The following MAGI2 variants were observed in gnomAD, a reference collection of about 807,000 sequenced individuals.
The protein encoded by MAGI2 is membrane associated guanylate kinase, WW and PDZ domain containing 2.
Under a neutral mutation model 133.3 loss-of-function variants are expected in MAGI2, and 35 were observed. That is an observed-to-expected ratio of 0.26 (90% CI 0.20 to 0.35). The LOEUF is 0.35. MAGI2 is among the 10% of genes least tolerant of loss of function. MAGI2 has a pLI of 1.00. For missense variants in MAGI2, 1,636 were observed against 1,863.4 expected, an observed-to-expected ratio of 0.88 and a Z score of 2.25; for synonymous variants, 729 against 710.6, an observed-to-expected ratio of 1.03 and a Z score of -0.41.
At chr7:78,544,665 T>G (rs977320847) in intron 3 of MAGI2, among the ~76,000 whole-genome samples, 8 of 152,164 alleles carry the variant, frequency 5.3e-5, no homozygotes, top group Admixed American at 5.2e-4. Flanking sequence ...CTGAAGTATA[T>G]GCCAGACATT....
rs565569427 is a variant in MAGI2 at position 78,507,972 on chromosome 7, G to A, written c.755-6185C>T. Among the ~76,000 whole-genome samples, 28 of 152,280 alleles carry A rather than the reference G, an allele frequency of 1.8e-4. No individual in the cohort carries two copies. The South Asian group carries it at 5.2e-3, about 28-fold the overall frequency. ...GGAGGTTAAAGTCCTATATCAAGGCGTTGGCAGGGCCAGCTCCCTCTGGAG... is the reference window on the plus strand; with the variant it reads ...GGAGGTTAAAGTCCTATATCAAGGCATTGGCAGGGCCAGCTCCCTCTGGAG... On this transcript the variant is annotated intron_variant, in intron 4 of 21. Coordinates refer to ENST00000354212, the MANE Select transcript of MAGI2 (RefSeq NM_012301.4).
At chr7:78,720,233 T>C (rs975925314) in intron 2 of MAGI2, among the ~76,000 whole-genome samples, 1 of 152,132 alleles carries the variant, frequency 6.6e-6, no homozygotes, top group East Asian at 1.9e-4. Context: ...ATCTGATAAG[T>C]ATGACTTTGT....
chr7:78,465,570 C>T lies in MAGI2; in HGVS notation c.1045+24191G>A, dbSNP rs141000122. Among the ~76,000 whole-genome samples the T allele has an allele frequency of 9.3e-3, 1,420 of 152,172 alleles. 14 individuals are homozygous for T. The highest frequency in any genetic ancestry group is 0.014 in the Non-Finnish European group (977 of 68,002). ...ATGTAGATTATCACAGAAAGATATACCTTTAAGTTATTTTGCCCAAAACTA... is the reference window on the plus strand; with the variant it reads ...ATGTAGATTATCACAGAAAGATATATCTTTAAGTTATTTTGCCCAAAACTA... On this transcript the variant is annotated intron_variant, in intron 6 of 21. Transcript: ENST00000354212.
chr7:78,380,680 C>T (rs1262076741), intron 6 of MAGI2, among the ~76,000 whole-genome samples: 1 of 151,970 alleles, frequency 6.6e-6, no homozygotes. Flanking sequence ...TGTTTGATTG[C>T]ACAACAGGGA....
At chr7:78,224,119 A>G (rs1789112741) in intron 10 of MAGI2, among the ~76,000 whole-genome samples, 2 of 152,178 alleles carry the variant, frequency 1.3e-5, no homozygotes, top group Admixed American at 1.3e-4. Context: ...TGTGAAATAG[A>G]ATGGTTTGTT....
At chr7:78,974,909 T>C (rs1804108252) in intron 2 of MAGI2, among the ~76,000 whole-genome samples, 1 of 151,718 alleles carries the variant, frequency 6.6e-6, no homozygotes, top group African/African-American at 2.4e-5. Context: ...CAAAGTTGAC[T>C]TCAAAACAAG....
chr7:78,128,813 A>T (rs1230203377), intron 18 of MAGI2, among the ~76,000 whole-genome samples: 4 of 152,190 alleles, frequency 2.6e-5, no homozygotes, highest in African/African-American at 9.7e-5. Context: ...GAGGAGAGGC[A>T]TTCCTTTTAT....
At chr7:78,047,835 A>G (rs879653663) in intron 21 of MAGI2, among the ~76,000 whole-genome samples, 2 of 152,094 alleles carry the variant, frequency 1.3e-5, no homozygotes, top group African/African-American at 2.4e-5. Context: ...CTTCAGCCCC[A>G]AGCCCTTGCT....
intron 1 of MAGI2, among the ~76,000 whole-genome samples, chr7:79,244,719 T>A (rs868448619): frequency 6.6e-5 from 10 of 152,134 alleles, no homozygotes; most frequent in African/African-American, 2.2e-4. Flanking sequence ...TGGTGATGTG[T>A]TGGGCTTGGA....
At chr7:78,764,701 T>G (rs1323756173) in intron 2 of MAGI2, among the ~76,000 whole-genome samples, 3 of 152,240 alleles carry the variant, frequency 2.0e-5, no homozygotes, top group Non-Finnish European at 4.4e-5. Context: ...ATACAGTTCT[T>G]GATCATAGGC....
At chr7:79,303,614 G>A (rs1231217413) in intron 1 of MAGI2, among the ~76,000 whole-genome samples, 1 of 152,120 alleles carries the variant, frequency 6.6e-6, no homozygotes, top group African/African-American at 2.4e-5. Flanking sequence ...AGGTTGGTTT[G>A]TTTGAATTGG....
chr7:78,820,023 G>A (rs777023212), intron 2 of MAGI2, among the ~76,000 whole-genome samples: 2 of 151,968 alleles, frequency 1.3e-5, no homozygotes, highest in Non-Finnish European at 2.9e-5. Flanking sequence ...TGGGCAGGAA[G>A]AGTGAATCAG....
intron 2 of MAGI2, among the ~76,000 whole-genome samples, chr7:78,698,321 G>A (rs1465699074): frequency 6.6e-6 from 1 of 152,122 alleles, no homozygotes; most frequent in Non-Finnish European, 1.5e-5. Flanking sequence ...AGAACATTAT[G>A]CCACAAGTGG....
At chr7:79,450,127 T>C (rs11487112) in intron 1 of MAGI2, among the ~76,000 whole-genome samples, 45,950 of 151,568 alleles carry the variant, frequency 0.3, 7,079 homozygotes, top group East Asian at 0.38. Context: ...TTCTGTATAA[T>C]ACCCAATGTC....
At chr7:78,740,762 C>T (rs1027354891) in intron 2 of MAGI2, among the ~76,000 whole-genome samples, 1 of 152,048 alleles carries the variant, frequency 6.6e-6, no homozygotes, top group Non-Finnish European at 1.5e-5. Flanking sequence ...AATGAGCATC[C>T]TAGAGTCATT....
intron 7 of MAGI2, among the ~76,000 whole-genome samples, chr7:78,355,042 T>C (rs1225757025): frequency 6.6e-6 from 1 of 152,198 alleles, no homozygotes; most frequent in Non-Finnish European, 1.5e-5. Context: ...GATTGGTTTA[T>C]TGGGGATAGG....
intron 6 of MAGI2, among the ~76,000 whole-genome samples, chr7:78,419,182 A>G (rs1798567469): frequency 6.6e-6 from 1 of 152,152 alleles, no homozygotes; most frequent in Non-Finnish European, 1.5e-5. Flanking sequence ...AGAATTCCAG[A>G]TTAGTCCTAG....
intron 1 of MAGI2, among the ~76,000 whole-genome samples, chr7:79,132,198 G>C (rs1585005169): frequency 6.6e-6 from 1 of 152,028 alleles, no homozygotes; most frequent in East Asian, 1.9e-4. Context: ...ATCATACATG[G>C]GTGAATTATA....
intron 2 of MAGI2, among the ~76,000 whole-genome samples, chr7:78,634,271 T>C (rs149004259): frequency 2.2e-3 from 340 of 152,358 alleles, no homozygotes; most frequent in Non-Finnish European, 3.6e-3. Flanking sequence ...CTAATGCCTA[T>C]GGCCTAGGCT....
Sources: gnomAD v4.1 joint callset for allele counts (sites outside exome capture counted in the v4.1 genomes callset) on GRCh38, gnomAD v4.1.1 for gene constraint, MANE v1.5 for transcripts, NCBI Gene and HGNC (gene_info 2026-07-23, HGNC 2026-07-21) for gene names.